The following LRRC47 variants were observed in gnomAD, a reference collection of about 807,000 sequenced individuals.
LRRC47 encodes the protein leucine-rich repeat-containing protein 47.
In LRRC47, 31 loss-of-function variants were observed where a neutral mutation model predicts 40.9. The ratio of observed to expected loss-of-function variants is 0.76; its 90% CI spans 0.57 to 1.02. The LOEUF (loss-of-function observed/expected upper bound fraction) is 1.02. Among genes scored for constraint, LRRC47 ranks in the 50% least tolerant of loss-of-function variants. The probability of loss-of-function intolerance (pLI) is 0.00; values close to 1 mark genes in which losing one functional copy is unlikely to be tolerated. For synonymous variants in LRRC47, 427 were observed against 371.9 expected (o/e 1.15, Z -1.70); for missense variants, 726 against 796.1 (o/e 0.91, Z 1.06).
rs769345454 is a variant in LRRC47 at position 3,796,341 on chromosome 1, G to A, written c.136C>T (p.Leu46Phe). The change falls in exon 1 of 7, where the codon CTT becomes TTT. Residue 46 changes from leucine (L) to phenylalanine (F), a missense_variant. Leu to Phe is a conservative substitution (Grantham distance 22). Coordinates refer to ENST00000378251, the MANE Select transcript of LRRC47 (RefSeq NM_020710.3). ...RAAGGQLPPR[L>F]FTLPLLHYLE... ...TAGTGCAGCAGCGGCAGGGTGAAAA[G>A]CCGCGGCGGCAGCTGCCCACCCGCC... The A allele has an allele frequency of 2.0e-6, 3 of 1,509,400 alleles. No homozygotes were observed. The highest frequency in any genetic ancestry group is 2.1e-5 in the Admixed American group (1 of 48,748). 93.5% of individuals were successfully genotyped at this position (1,509,400 alleles called of 1,614,324 possible).
chr1:3,783,110 T>TA (rs35550470), intron 4 of LRRC47: 4,106 of 150,826 alleles, frequency 0.027, 60 homozygotes, highest in South Asian at 0.071. Flanking sequence ...GACCACATCT[T>TA]AAAAAAAAAA....
chr1:3,795,622 G>A (rs1247128354), intron 1 of LRRC47, among the ~76,000 whole-genome samples: 2 of 152,266 alleles, frequency 1.3e-5, no homozygotes, highest in African/African-American at 4.8e-5. Flanking sequence ...TTAACAGAAT[G>A]CGGGGGAGTT....
intron 1 of LRRC47, among the ~76,000 whole-genome samples, chr1:3,792,630 T>C (rs1276387202): frequency 1.3e-5 from 2 of 152,050 alleles, no homozygotes; most frequent in African/African-American, 2.4e-5. Context: ...CCAGCTAATT[T>C]TTGTATTTTT....
chr1:3,783,711 T>G, intron 4 of LRRC47: 1 of 379,102 alleles, frequency 2.6e-6, no homozygotes, highest in Non-Finnish European at 4.8e-6. Context: ...TAATGGCTAG[T>G]TTATATCCTG....
intron 2 of LRRC47, among the ~76,000 whole-genome samples, chr1:3,786,620 A>C (rs1444856895): frequency 6.6e-6 from 1 of 152,184 alleles, no homozygotes; most frequent in Non-Finnish European, 1.5e-5. Flanking sequence ...CACGCTGGAG[A>C]CACCTGCCTC....
intron 1 of LRRC47, among the ~76,000 whole-genome samples, chr1:3,792,334 G>A (rs1328534756): frequency 7.2e-5 from 11 of 152,200 alleles, no homozygotes; most frequent in Non-Finnish European, 1.3e-4. Flanking sequence ...TGGCCCAGGG[G>A]AAAGGGAACT....
At position 3,784,036 on chromosome 1, in the gene LRRC47, T is replaced by C; in HGVS notation, c.1270A>G (p.Arg424Gly). 1.2e-6 allele frequency: 2 copies of C among 1,612,358 alleles called. No homozygotes were observed. The highest frequency in any genetic ancestry group is 1.7e-6 in the Non-Finnish European group (2 of 1,179,866). ...RQLQLEAEEQ[R>G]KQKKRQSVSG... ...ACACTCTGCCGCTTCTTCTGCTTCC[T>C]CTGCTCCTCGGCCTCCAGCTGCAGC... is the stretch of plus-strand genomic sequence containing the variant. The change falls in exon 4 of 7, where the codon AGG becomes GGG. Residue 424 changes from arginine to glycine, a missense_variant. Arg to Gly is a moderately radical substitution (Grantham distance 125). Coordinates refer to ENST00000378251, the MANE Select transcript of LRRC47 (RefSeq NM_020710.3).
intron 3 of LRRC47, 45 bp downstream of exon 3, chr1:3,785,042 A>C: frequency 7.0e-7 from 1 of 1,434,480 alleles, no homozygotes. Context: ...GTCTTTCGAC[A>C]CCAAGGAGAC....
intron 1 of LRRC47, among the ~76,000 whole-genome samples, chr1:3,789,968 T>C (rs942381494): frequency 6.6e-6 from 1 of 152,320 alleles, no homozygotes; most frequent in South Asian, 2.1e-4. Flanking sequence ...AGGTGCACAC[T>C]GGCTTTGGGG....
chr1:3,796,485 A>G lies in LRRC47; in HGVS notation c.-9T>C, dbSNP rs1214961606. 2.0e-6 allele frequency: 3 copies of G among 1,502,734 alleles called. No homozygotes were observed. Among genetic ancestry groups the G allele is most frequent in the Non-Finnish European group, 2.6e-6 (3 of 1,134,502 alleles). 93.1% of individuals were successfully genotyped at this position (1,502,734 alleles called of 1,614,324 possible). On this transcript the variant is annotated 5_prime_UTR_variant, in exon 1 of 7. Transcript: ENST00000378251. ...ACCGCTGCCGCCGCCATGGCGCCTC[A>G]GCTGCTGGCAGGCACCCACCCACCA... is the stretch of plus-strand genomic sequence containing the variant.
At position 3,779,602 on chromosome 1, in the gene LRRC47, GA is replaced by G. The variant is rs1204334725; in HGVS notation, c.*1485del. 6.6e-6 allele frequency: 1 copy of G among 152,210 alleles called. No individual in the cohort carries two copies. The highest frequency in any genetic ancestry group is 1.5e-5 in the Non-Finnish European group (1 of 68,038). The allele number at this position is 152,210 out of a possible 1,614,324, so 9.4% of individuals were successfully genotyped here. A position where few individuals can be genotyped will look rare whatever the true frequency, so the allele number is the denominator to read the frequency against. ...AACGTCTACAACAGAAGGCGCCCAG[GA>G]CCCACCTTTCTGGCGCATAAATGAA... On this transcript the variant is annotated 3_prime_UTR_variant, in exon 7 of 7. Transcript: ENST00000378251.
intron 2 of LRRC47, among the ~76,000 whole-genome samples, chr1:3,786,145 C>T (rs971659624): frequency 6.6e-6 from 1 of 151,760 alleles, no homozygotes; most frequent in East Asian, 2.0e-4. Flanking sequence ...GCTGGGATTA[C>T]AGGCGTGAGC....
At chr1:3,783,813 T>C (rs545413562) in intron 4 of LRRC47, 183 bp downstream of exon 4, 2 of 598,144 alleles carry the variant, frequency 3.3e-6, no homozygotes, top group African/African-American at 3.7e-5. Flanking sequence ...CAGGGCCATC[T>C]AGATGACAGA....
At chr1:3,785,918 G>GT (rs1643567877) in intron 2 of LRRC47, among the ~76,000 whole-genome samples, 2 of 149,954 alleles carry the variant, frequency 1.3e-5, no homozygotes, top group Non-Finnish European at 3.0e-5. Context: ...CACCCAGGCT[G>GT]GAATGCGGTG....
intron 1 of LRRC47, 106 bp downstream of exon 1, chr1:3,795,756 A>T (rs970324724): frequency 7.4e-7 from 1 of 1,345,218 alleles, no homozygotes; most frequent in African/African-American, 1.5e-5. Flanking sequence ...CCCTGGGCCC[A>T]GTGCCCCAGG....
Position 3,781,171 on chromosome 1 carries a change from C to T in LRRC47, c.1669G>A (p.Asp557Asn), listed in dbSNP as rs761100668. 2.2e-5 allele frequency: 36 copies of T among 1,614,012 alleles called. No individual in the cohort carries two copies. The South Asian group carries it at 4.0e-4, about 18-fold the overall frequency. ...LLVVEQVRVV[D>N]LEGSLKVVYP... ...ACCACCTTCAGGCTCCCTTCCAGAT[C>T]CACCACCCGGACCTGCTCCACCACC... The change falls in exon 7 of 7, where the codon GAT (aspartate) becomes AAT (asparagine). Residue 557 changes from aspartate (D) to asparagine (N), a missense_variant. By Grantham distance (23) the Asp-to-Asn change is conservative. Transcript: ENST00000378251.
In LRRC47 at chr1:3,780,460, T is replaced by TG. The variant is rs1643507691; in HGVS notation, c.*627_*628insC. The TG allele has an allele frequency of 6.6e-6, 1 of 152,502 alleles. No individual in the cohort carries two copies. Among genetic ancestry groups the TG allele is most frequent in the Non-Finnish European group, 1.5e-5 (1 of 68,324 alleles). 9.4% of individuals were successfully genotyped at this position (152,502 alleles called of 1,614,324 possible). ...ACAGTGCCACGTAACAGCACTGTAC[T>TG]TTTCTCCCATAAACAGTTACCTGCC... On this transcript the variant is annotated 3_prime_UTR_variant, in exon 7 of 7. Transcript: ENST00000378251.
At position 3,796,193 on chromosome 1, in the gene LRRC47, A is replaced by G. The variant is rs1643674684; in HGVS notation, c.284T>C (p.Leu95Pro). The change falls in exon 1 of 7, where the codon CTC (leucine) becomes CCC (proline). Residue 95 changes from leucine to proline, a missense_variant. By Grantham distance (98) the Leu-to-Pro change is moderately conservative. Coordinates refer to ENST00000378251, the MANE Select transcript of LRRC47 (RefSeq NM_020710.3). ...CACCCGAAGGGCAGGCAGCGGCCCGAGCTCGGGGCTCAGGCCGGGCCCCAG... is the reference window on the plus strand; with the variant it reads ...CACCCGAAGGGCAGGCAGCGGCCCGGGCTCGGGGCTCAGGCCGGGCCCCAG... ...NALGPGLSPELGPLPALRVLD... is the reference protein window; with the variant it reads ...NALGPGLSPEPGPLPALRVLD... 2 of 1,435,352 alleles carry G rather than the reference A, an allele frequency of 1.4e-6. No homozygotes were observed. The highest frequency in any genetic ancestry group is 1.8e-6 in the Non-Finnish European group (2 of 1,100,824). 88.9% of individuals were successfully genotyped at this position (1,435,352 alleles called of 1,614,324 possible). A position where few individuals can be genotyped will look rare whatever the true frequency, so the allele number is the denominator to read the frequency against.
chr1:3,784,085 G>A lies in LRRC47; in HGVS notation c.1221C>T (p.Ala407=). Residue 407 remains alanine, a synonymous_variant, in exon 4 of 7, where the codon GCC becomes GCT. Coordinates refer to ENST00000378251, the MANE Select transcript of LRRC47 (RefSeq NM_020710.3). The part of the protein sequence containing the change: ...LKIVPLGRKE[A]KAKELVRQLQ... Reference sequence around the variant, plus strand: ...GCTGCCGCACCAGCTCCTTGGCCTTGGCTTCTTTCCGCCCCAAGGGGACAA... The same window carrying A: ...GCTGCCGCACCAGCTCCTTGGCCTTAGCTTCTTTCCGCCCCAAGGGGACAA... The A allele has an allele frequency of 1.9e-6, 3 of 1,612,636 alleles. No homozygotes were observed. Among genetic ancestry groups the A allele is most frequent in the Non-Finnish European group, 2.5e-6 (3 of 1,179,438 alleles).
Sources: allele counts gnomAD v4.1 joint callset (sites outside exome capture counted in the v4.1 genomes callset), GRCh38; gene constraint gnomAD v4.1.1; transcripts MANE v1.5; gene names NCBI Gene and HGNC (gene_info 2026-07-23, HGNC 2026-07-21).